Variants in LCORL observed in about 807,000 individuals in gnomAD.
LCORL encodes the protein ligand-dependent nuclear receptor corepressor-like protein.
In LCORL, 41 loss-of-function variants were observed where a neutral mutation model predicts 141.8. The observed-to-expected ratio is 0.29, with a 90% CI of 0.23 to 0.38. The LOEUF (loss-of-function observed/expected upper bound fraction) is 0.38. Ranked by LOEUF, LCORL falls within the 10% of genes least tolerant of loss-of-function variation. The pLI is 1.00. For synonymous variants in LCORL, 618 were observed against 694.1 expected (o/e 0.89, Z 1.72); for missense variants, 1,759 against 2,035.0 (o/e 0.86, Z 2.61).
chr4:18,002,154 A>G (rs1207367114), intron 1 of LCORL, among the ~76,000 whole-genome samples: 2 of 152,216 alleles, frequency 1.3e-5, no homozygotes, highest in African/African-American at 4.8e-5. Context: ...GAATGCTCTG[A>G]GGTCTTTCTA....
chr4:17,877,802 G>A (rs1727076853), exon 7 of LCORL: 1 of 1,230,594 alleles, frequency 8.1e-7, no homozygotes, highest in Non-Finnish European at 1.0e-6. Flanking sequence ...AACAGCACCT[G>A]TGAGAATTAT....
Position 17,951,285 on chromosome 4 carries a change from G to A in LCORL, c.430+10618C>T, listed in dbSNP as rs544568007. 2.0e-5 allele frequency among the ~76,000 whole-genome samples: 3 copies of A among 152,252 alleles called. No homozygotes were observed. The South Asian group carries it at 6.2e-4, about 32-fold the overall frequency. ...TACACTATAGTACATGTTCATTGGT[G>A]AAGTTAACTATTTCTTTGTATGTAA... is the stretch of plus-strand genomic sequence containing the variant. On this transcript the variant is annotated intron_variant, in intron 4 of 7. Transcript: ENST00000635767.
rs746450443 is a variant in LCORL, at chr4:17,962,073, T to C, written c.301-41A>G. The C allele has an allele frequency of 5.6e-6, 8 of 1,424,118 alleles. No homozygotes were observed. The East Asian group carries it at 1.2e-4, about 21-fold the overall frequency. The allele number at this position is 1,424,118 out of a possible 1,614,324, so 88.2% of individuals were successfully genotyped here. ...AACAACAACATACAGAATTATTTTT[T>C]AATTCAAACATGGAATTCCATTAAA... On this transcript the variant is annotated intron_variant, in intron 3 of 7. Transcript: ENST00000635767.
In LCORL at chr4:17,964,647, C is replaced by T. The variant is rs140620582; in HGVS notation, c.221-1598G>A. The stretch of plus-strand genomic sequence containing the variant: ...CTTACGTAGGTTTCAAACTTTCACC[C>T]CCTCACTAGGACAGAATCACCATAC... On this transcript the variant is annotated intron_variant, in intron 2 of 7. Coordinates refer to ENST00000635767, the Ensembl canonical transcript of LCORL. Among the ~76,000 whole-genome samples, 656 of 152,190 alleles carry T rather than the reference C, an allele frequency of 4.3e-3. 4 individuals are homozygous for T. The highest frequency in any genetic ancestry group is 0.015 in the African/African-American group (629 of 41,540).
At chr4:17,990,633 C>T (rs970804544) in intron 1 of LCORL, among the ~76,000 whole-genome samples, 1 of 148,564 alleles carries the variant, frequency 6.7e-6, no homozygotes, top group African/African-American at 2.6e-5. Flanking sequence ...ATATTAAATT[C>T]CCATCTTGGT....
intron 1 of LCORL, among the ~76,000 whole-genome samples, chr4:17,990,291 G>A (rs1414210382): frequency 1.3e-5 from 2 of 151,680 alleles, no homozygotes; most frequent in Non-Finnish European, 2.9e-5. Context: ...GTACAGATGG[G>A]GGTTTCACCA....
chr4:17,949,449 T>A (rs1490316875), intron 4 of LCORL, among the ~76,000 whole-genome samples: 1 of 152,138 alleles, frequency 6.6e-6, no homozygotes, highest in Non-Finnish European at 1.5e-5. Flanking sequence ...TTTGCCAACC[T>A]TGGCCCTCTA....
In LCORL at chr4:17,897,213, C is replaced by CCTTTTTTTTTTTTTTT. The variant is rs1553863446; in HGVS notation, c.683-11053_683-11052insAAAAAAAAAAAAAAAG. On this transcript the variant is annotated intron_variant, in intron 5 of 7. Coordinates refer to ENST00000635767, the Ensembl canonical transcript of LCORL. ...AGACTTCTCTTTGATATACTGATTT[C>CCTTTTTTTTTTTTTTT]TTTTTTTTTTTTTTTTTTTTTTTTT... Among the ~76,000 whole-genome samples, 154 of 63,984 alleles carry CCTTTTTTTTTTTTTTT rather than the reference C, an allele frequency of 2.4e-3. 73 individuals are homozygous for CCTTTTTTTTTTTTTTT. The highest frequency in any genetic ancestry group is 3.5e-3 in the South Asian group (6 of 1,712). The allele number at this position is 63,984 out of a possible 152,430, so 42.0% of individuals were successfully genotyped here.
intron 1 of LCORL, among the ~76,000 whole-genome samples, chr4:17,999,681 A>G (rs917886489): frequency 3.3e-5 from 5 of 152,228 alleles, no homozygotes; most frequent in Non-Finnish European, 5.9e-5. Context: ...TATCTCAGTG[A>G]TTTAACTTAA....
chr4:17,844,321 G>A (rs1217964139), exon 8 of LCORL: 1 of 152,274 alleles, frequency 6.6e-6, no homozygotes, highest in African/African-American at 2.4e-5. Context: ...AATACCCAAC[G>A]AAACACCTTT....
chr4:17,883,747 G>A, intron 6 of LCORL: 1 of 1,541,164 alleles, frequency 6.5e-7, no homozygotes, highest in Non-Finnish European at 8.7e-7. Flanking sequence ...TGTTTTTGCA[G>A]CTGCCAGTCC....
In LCORL at chr4:18,007,347, C is replaced by T. The variant is rs886939604; in HGVS notation, c.154+14251G>A. ...GTAAAATAATTTAAAATAATTACTA[C>T]TATATCCTGCTTACATGTTTCTTCA... is the stretch of plus-strand genomic sequence containing the variant. On this transcript the variant is annotated intron_variant, in intron 1 of 7. Transcript: ENST00000635767. Among the ~76,000 whole-genome samples the T allele has an allele frequency of 2.0e-5, 3 of 152,138 alleles. No homozygotes were observed. In the South Asian group the frequency reaches 6.2e-4, roughly 31 times the overall value.
In LCORL at chr4:17,922,750, C is replaced by A; in HGVS notation, c.431-13405G>T. On this transcript the variant is annotated intron_variant, in intron 4 of 7. Transcript: ENST00000635767. ...GGGCAGTGACTGTAAAAGAATGGGGCCTTGCAAATTGGAATGGGGACTTGT... is the reference window on the plus strand; with the variant it reads ...GGGCAGTGACTGTAAAAGAATGGGGACTTGCAAATTGGAATGGGGACTTGT... Among the ~76,000 whole-genome samples the A allele has an allele frequency of 1.3e-5, 2 of 152,066 alleles. 1 individual carries two copies. Among genetic ancestry groups the A allele is most frequent in the Non-Finnish European group, 2.9e-5 (2 of 68,010 alleles).
chr4:17,933,263 T>A (rs1181277018), intron 4 of LCORL, among the ~76,000 whole-genome samples: 3 of 152,172 alleles, frequency 2.0e-5, no homozygotes, highest in African/African-American at 7.2e-5. Context: ...AAATTATAGT[T>A]TCAACATGTT....
rs576189823 is a variant in LCORL, at chr4:17,948,724, A to T, written c.430+13179T>A. Among the ~76,000 whole-genome samples the T allele has an allele frequency of 3.4e-4, 51 of 152,164 alleles. 2 individuals carry two copies. The South Asian group carries it at 9.7e-3, about 29-fold the overall frequency. ...GAATAACATTTAAGGGATGAAACAA[A>T]GAATAAGAAAATCTACCTTACCTGA... On this transcript the variant is annotated intron_variant, in intron 4 of 7. Transcript: ENST00000635767.
intron 1 of LCORL, among the ~76,000 whole-genome samples, chr4:18,019,673 A>G (rs1725175709): frequency 7.0e-6 from 1 of 142,286 alleles, no homozygotes; most frequent in African/African-American, 2.4e-5. Context: ...GTATCTAAAT[A>G]AGCAAGAAGA....
exon 8 of LCORL, chr4:17,842,397 A>G: frequency 6.2e-7 from 1 of 1,600,332 alleles, no homozygotes; most frequent in Non-Finnish European, 8.6e-7. Flanking sequence ...ATGCATGTCT[A>G]GAATATATGG....
chr4:17,905,149 G>C (rs899612767), intron 5 of LCORL, among the ~76,000 whole-genome samples: 3 of 152,002 alleles, frequency 2.0e-5, no homozygotes, highest in East Asian at 3.9e-4. Context: ...GCTGAGTAAG[G>C]ACCTCTCATC....
intron 4 of LCORL, among the ~76,000 whole-genome samples, chr4:17,943,601 T>TATTTCACCACTGATATGCGCTGCAAAGA (rs2109492357): frequency 6.6e-6 from 1 of 152,338 alleles, no homozygotes; most frequent in East Asian, 1.9e-4. Context: ...TTTGGCTTAC[T>TATTTCACCACTGATATGCGCTGCAAAGA]ATTTCACCAC....
Sources: gnomAD v4.1 joint callset for allele counts (sites outside exome capture counted in the v4.1 genomes callset) on GRCh38, gnomAD v4.1.1 for gene constraint, MANE v1.5 for transcripts, NCBI Gene and HGNC (gene_info 2026-07-23, HGNC 2026-07-21) for gene names.